PTPRN2: variants seen among roughly 807,000 people sequenced by gnomAD.
PTPRN2 encodes receptor-type tyrosine-protein phosphatase N2.
Under a neutral mutation model 118.8 loss-of-function variants are expected in PTPRN2, and 74 were observed. The ratio of observed to expected loss-of-function variants is 0.62; its 90% CI spans 0.52 to 0.76. The LOEUF is 0.76. Ranked by LOEUF, PTPRN2 falls within the 30% of genes least tolerant of loss-of-function variation. PTPRN2 has a pLI of 0.00. For synonymous variants in PTPRN2, 641 were observed against 608.0 expected, an observed-to-expected ratio of 1.05 and a Z score of -0.80; for missense variants, 1,481 against 1,394.4, an observed-to-expected ratio of 1.06 and a Z score of -0.99.
At position 157,881,199 on chromosome 7, in the gene PTPRN2, T is replaced by C. The variant is rs546367899; in HGVS notation, c.1788+17474A>G. ...ACGGTAAAATGAGGTCATGAGGGTA[T>C]GTGGAGATGGGGGTGTTTACAGTAG... is the stretch of plus-strand genomic sequence containing the variant. On this transcript the variant is annotated intron_variant, in intron 12 of 22. Transcript: ENST00000389418. This position sits in a 1 kb window ranked among gnomAD's most constrained non-coding sequence, Gnocchi z 4.7. Among the ~76,000 whole-genome samples, 1 of 147,306 alleles carries C rather than the reference T, an allele frequency of 6.8e-6. No homozygotes were observed. The highest frequency in any genetic ancestry group is 2.1e-4 in the South Asian group (1 of 4,756).
At chr7:157,830,557 G>A (rs905239284) in intron 12 of PTPRN2, among the ~76,000 whole-genome samples, 12 of 151,832 alleles carry the variant, frequency 7.9e-5, no homozygotes, top group African/African-American at 2.4e-4. Flanking sequence ...ACATCGCCAC[G>A]CGGGGAGGGG....
chr7:158,324,573 C>A (rs1292588673), intron 2 of PTPRN2, among the ~76,000 whole-genome samples: 1 of 151,772 alleles, frequency 6.6e-6, no homozygotes, highest in African/African-American at 2.4e-5. Context: ...TGCGCCTCCA[C>A]CCCATCCCGT....
At chr7:157,698,995 A>C (rs1338840083) in intron 12 of PTPRN2, among the ~76,000 whole-genome samples, 1 of 152,264 alleles carries the variant, frequency 6.6e-6, no homozygotes, top group Non-Finnish European at 1.5e-5. Flanking sequence ...AGGAAACAAG[A>C]TAATTCTGTG....
Position 158,489,794 on chromosome 7 carries a change from A to T in PTPRN2, c.113-9T>A. Reference sequence around the variant, plus strand: ...CTCCTCGAGCAGGCAGCCTGCGGGGAAACAGAGAAGAGACGCGGTCAGCTG... The same window carrying T: ...CTCCTCGAGCAGGCAGCCTGCGGGGTAACAGAGAAGAGACGCGGTCAGCTG... On this transcript the variant is annotated splice_polypyrimidine_tract_variant and intron_variant, in intron 1 of 22. Coordinates refer to ENST00000389418, the MANE Select transcript of PTPRN2 (RefSeq NM_002847.5). 2 of 1,571,474 alleles carry T rather than the reference A, an allele frequency of 1.3e-6. No individual in the cohort carries two copies. Among genetic ancestry groups the T allele is most frequent in the Non-Finnish European group, 1.7e-6 (2 of 1,159,022 alleles).
chr7:157,889,552 C>CCTAA (rs1364674639), intron 12 of PTPRN2, among the ~76,000 whole-genome samples: 1 of 152,210 alleles, frequency 6.6e-6, no homozygotes, highest in Non-Finnish European at 1.5e-5. Context: ...ATGCAGAATG[C>CCTAA]CTAACTGTAA....
chr7:158,532,901 G>T, intron 1 of PTPRN2: 3 of 488,816 alleles, frequency 6.1e-6, no homozygotes, highest in Admixed American at 6.1e-5. Flanking sequence ...GGACGGCCAG[G>T]CTCCACCACA....
At chr7:158,308,431 T>A (rs1586193696) in intron 3 of PTPRN2, among the ~76,000 whole-genome samples, 1 of 152,240 alleles carries the variant, frequency 6.6e-6, no homozygotes, top group Non-Finnish European at 1.5e-5. Context: ...GTAAAGGTCA[T>A]TATTTAGTAA....
chr7:158,428,452 TA>T (rs1815918662), intron 2 of PTPRN2, among the ~76,000 whole-genome samples: 1 of 152,178 alleles, frequency 6.6e-6, no homozygotes, highest in Admixed American at 6.5e-5. Context: ...AAATTATTTG[TA>T]ACCCACCGAT....
intron 5 of PTPRN2, 110 bp downstream of exon 5, chr7:158,192,217 G>A (rs560961793): frequency 1.4e-4 from 177 of 1,251,324 alleles, no homozygotes; most frequent in South Asian, 3.6e-4. Context: ...CCGCTGGCCC[G>A]GGAAACAGGC....
intron 3 of PTPRN2, among the ~76,000 whole-genome samples, chr7:158,301,514 A>G (rs1011136098): frequency 1.3e-4 from 20 of 152,052 alleles, no homozygotes; most frequent in Non-Finnish European, 1.2e-4. Context: ...CCTACACACC[A>G]CTCCCCAGCT....
intron 6 of PTPRN2, among the ~76,000 whole-genome samples, chr7:158,147,776 G>A (rs1820315811): frequency 3.7e-5 from 4 of 106,770 alleles, no homozygotes; most frequent in Admixed American, 3.1e-4. Context: ...CACGCCACGT[G>A]TTATTCCCCC....
chr7:158,352,033 TCCGCTCCCCTCCTGA>T (rs1309493256), intron 2 of PTPRN2, among the ~76,000 whole-genome samples: 3 of 57,044 alleles, frequency 5.3e-5, no homozygotes, highest in African/African-American at 2.2e-4. Context: ...TCCCCTCCTG[TCCGCTCCCCTCCTGA>T]CCGCTCCCCT....
rs936461127 is a variant in PTPRN2, at chr7:158,440,532, AATG to A, written c.163+49200_163+49202del. 1.9e-4 allele frequency among the ~76,000 whole-genome samples: 28 copies of A among 147,656 alleles called. 1 individual carries two copies. Among genetic ancestry groups the A allele is most frequent in the African/African-American group, 3.9e-4 (15 of 38,236 alleles). The stretch of plus-strand genomic sequence containing the variant: ...ATAGGGGTGATAGTGGTGATGTGGT[AATG>A]ATGGTGGTGGTGGCAGTGGCGGCGG... On this transcript the variant is annotated intron_variant, in intron 2 of 22. Transcript: ENST00000389418.
At chr7:157,896,874 A>G (rs891393795) in intron 12 of PTPRN2, among the ~76,000 whole-genome samples, 1 of 152,058 alleles carries the variant, frequency 6.6e-6, no homozygotes. Flanking sequence ...GTGTCTGGAC[A>G]CCAGGCACCA....
intron 2 of PTPRN2, among the ~76,000 whole-genome samples, chr7:158,412,062 G>A (rs1482026882): frequency 4.8e-5 from 7 of 147,056 alleles, no homozygotes; most frequent in Non-Finnish European, 9.0e-5. Context: ...CTCAGCACCA[G>A]GGCCCATCCA....
intron 2 of PTPRN2, among the ~76,000 whole-genome samples, chr7:158,344,558 A>G (rs1276395518): frequency 1.3e-5 from 2 of 152,184 alleles, no homozygotes. Flanking sequence ...AATGCCACAC[A>G]GGAATCTGGA....
chr7:158,025,603 TA>T (rs2128878816), intron 11 of PTPRN2, among the ~76,000 whole-genome samples: 1 of 152,336 alleles, frequency 6.6e-6, no homozygotes, highest in South Asian at 2.1e-4. Flanking sequence ...AACACACACA[TA>T]TGTGACCACC....
At chr7:158,425,641 T>C (rs1287447634) in intron 2 of PTPRN2, among the ~76,000 whole-genome samples, 1 of 82,376 alleles carries the variant, frequency 1.2e-5, no homozygotes, top group African/African-American at 5.7e-5. Flanking sequence ...AGCTGAGGCC[T>C]GCGCACCGCC....
chr7:158,452,538 G>A (rs555862448), intron 2 of PTPRN2, among the ~76,000 whole-genome samples: 5 of 152,202 alleles, frequency 3.3e-5, no homozygotes, highest in East Asian at 1.9e-4. Context: ...ACCTTGTCCC[G>A]GGCGGCCTCC....
Sources: allele counts gnomAD v4.1 joint callset (sites outside exome capture counted in the v4.1 genomes callset), GRCh38; gene constraint gnomAD v4.1.1; non-coding constraint Gnocchi (gnomAD v3.1); transcripts MANE v1.5; gene names NCBI Gene and HGNC (gene_info 2026-07-23, HGNC 2026-07-21).